The following PI4KA variants were observed in gnomAD, a reference collection of about 807,000 sequenced individuals.
PI4KA encodes the protein PI4-kinase alpha.
In PI4KA, 122 loss-of-function variants were observed where a neutral mutation model predicts 271.4. The observed-to-expected ratio is 0.45, with a 90% CI of 0.39 to 0.52. The LOEUF is 0.52. Among genes scored for constraint, PI4KA ranks in the 20% least tolerant of loss-of-function variants. PI4KA has a pLI of 0.00. For missense variants in PI4KA, 1,969 were observed against 2,769.1 expected, an observed-to-expected ratio of 0.71 and a Z score of 6.48; for synonymous variants, 1,041 against 1,078.8, an observed-to-expected ratio of 0.96 and a Z score of 0.69.
chr22:20,813,947 C>T (rs763712678), intron 7 of PI4KA, among the ~76,000 whole-genome samples: 2 of 152,038 alleles, frequency 1.3e-5, no homozygotes, highest in Non-Finnish European at 2.9e-5. Flanking sequence ...AACAGATGCC[C>T]GTCGCCACAC....
In PI4KA at chr22:20,799,144, G is replaced by T. The variant is rs368298446; in HGVS notation, c.1953C>A (p.Pro651=). The T allele has an allele frequency of 2.2e-5, 36 of 1,613,078 alleles. No individual in the cohort carries two copies. The highest frequency in any genetic ancestry group is 2.9e-5 in the Non-Finnish European group (34 of 1,179,598). ...LQQKFCQPPS[P]LDVLIIDQLG... Reference sequence around the variant, plus strand: ...GCTGGTCAATAATCAGCACATCGAGGGGGGAGGGTGGCTGGCAGAATTTCT... The same window carrying T: ...GCTGGTCAATAATCAGCACATCGAGTGGGGAGGGTGGCTGGCAGAATTTCT... The change falls in exon 16 of 55, where the codon CCC becomes CCA. Residue 651 remains proline, a synonymous_variant. Coordinates refer to ENST00000255882, the MANE Select transcript of PI4KA (RefSeq NM_058004.4).
chr22:20,799,630 GAAC>G (rs1935183767), intron 15 of PI4KA, 38 bp downstream of exon 15: 4 of 1,416,718 alleles, frequency 2.8e-6, no homozygotes, highest in Non-Finnish European at 3.9e-6. Context: ...AGCCTGCTGA[GAAC>G]AATGGGCTGC....
chr22:20,780,190 T>C, intron 19 of PI4KA: 1 of 1,614,244 alleles, frequency 6.2e-7, no homozygotes, highest in Non-Finnish European at 8.5e-7. Context: ...CTCAACTGCA[T>C]CTACTTCAAA....
intron 47 of PI4KA, among the ~76,000 whole-genome samples, chr22:20,714,214 GGAA>G (rs1473991349): frequency 6.6e-6 from 1 of 151,812 alleles, no homozygotes; most frequent in Admixed American, 6.6e-5. Flanking sequence ...CTCAGCCTCA[GGAA>G]GGAGCCTGCT....
At chr22:20,746,449 T>A (rs979522597) in intron 29 of PI4KA, among the ~76,000 whole-genome samples, 2 of 152,174 alleles carry the variant, frequency 1.3e-5, no homozygotes, top group Non-Finnish European at 2.9e-5. Flanking sequence ...ACAAAATATT[T>A]TAGGCAAAAC....
chr22:20,724,305 A>T (rs1467963867), intron 42 of PI4KA, among the ~76,000 whole-genome samples: 1 of 140,942 alleles, frequency 7.1e-6, no homozygotes, highest in Non-Finnish European at 1.6e-5. Flanking sequence ...AACTCTGTCT[A>T]AAAAAAAAAA....
At position 20,783,183 on chromosome 22, in the gene PI4KA, TTATTCCTGGA is replaced by T. The variant is rs1366126323; in HGVS notation, c.2328+10000_2328+10009del. Among the ~76,000 whole-genome samples, 12 of 152,310 alleles carry T rather than the reference TTATTCCTGGA, an allele frequency of 7.9e-5. No homozygotes were observed. The East Asian group carries it at 2.1e-3, about 27-fold the overall frequency. ...TCTTAGAGCTAACATAGACATGGGC[TTATTCCTGGA>T]TACACAGCACTGTCCCCATATCTAC... On this transcript the variant is annotated intron_variant, in intron 19 of 54. Coordinates refer to ENST00000255882, the MANE Select transcript of PI4KA (RefSeq NM_058004.4).
intron 8 of PI4KA, among the ~76,000 whole-genome samples, chr22:20,812,408 C>T (rs186543508): frequency 6.6e-6 from 1 of 152,178 alleles, no homozygotes; most frequent in Admixed American, 6.5e-5. Context: ...TCAGCACATG[C>T]TCCATGCTAT....
At chr22:20,824,528 A>G in intron 3 of PI4KA, 114 bp from the exon 4 acceptor site, 1 of 674,176 alleles carries the variant, frequency 1.5e-6, no homozygotes, top group East Asian at 2.7e-5. Flanking sequence ...GGACCAGTTT[A>G]CAGCAGCTGC....
At chr22:20,755,946 A>G (rs995192484) in intron 23 of PI4KA, among the ~76,000 whole-genome samples, 1 of 152,200 alleles carries the variant, frequency 6.6e-6, no homozygotes, top group Non-Finnish European at 1.5e-5. Context: ...TTGCATGACT[A>G]CATGCTGGGT....
chr22:20,773,337 G>A (rs571485018), intron 19 of PI4KA, among the ~76,000 whole-genome samples: 37 of 152,278 alleles, frequency 2.4e-4, no homozygotes, highest in African/African-American at 8.4e-4. Context: ...AGTGAGCTGA[G>A]ATCGCACCAC....
chr22:20,740,170 AC>A (rs1337084745), intron 32 of PI4KA, among the ~76,000 whole-genome samples: 1 of 151,310 alleles, frequency 6.6e-6, no homozygotes, highest in African/African-American at 2.4e-5. Flanking sequence ...TGTTTTCTAG[AC>A]CTGAGAATTG....
At chr22:20,809,413 G>A (rs919981450) in intron 9 of PI4KA, among the ~76,000 whole-genome samples, 1 of 146,332 alleles carries the variant, frequency 6.8e-6, no homozygotes, top group African/African-American at 2.6e-5. Flanking sequence ...GCAGACTCTA[G>A]GTCAAGATTA....
chr22:20,777,551 G>A (rs1187911508), intron 19 of PI4KA, among the ~76,000 whole-genome samples: 1 of 152,132 alleles, frequency 6.6e-6, no homozygotes, highest in South Asian at 2.1e-4. Context: ...ATGAGGTCTT[G>A]CTATGTTGCC....
In PI4KA at chr22:20,858,642, C is replaced by A; in HGVS notation, c.84G>T (p.Arg28=). The part of the protein sequence containing the change: ...GCSGSGSSAS[R]GFYFNTVLSL... ...ACAGGACCGTGTTGAAATAGAAGCCCCGCGAGGCGCTGGAGCCGGAGCCGG... is the reference window on the plus strand; with the variant it reads ...ACAGGACCGTGTTGAAATAGAAGCCACGCGAGGCGCTGGAGCCGGAGCCGG... The change falls in exon 1 of 55, where the codon CGG becomes CGT. Residue 28 remains arginine (R), a synonymous_variant. Coordinates refer to ENST00000255882, the MANE Select transcript of PI4KA (RefSeq NM_058004.4). 6.7e-7 allele frequency: 1 copy of A among 1,485,952 alleles called. No individual in the cohort carries two copies. Among genetic ancestry groups the A allele is most frequent in the Non-Finnish European group, 8.9e-7 (1 of 1,124,648 alleles). The allele number at this position is 1,485,952 out of a possible 1,614,324, so 92.0% of individuals were successfully genotyped here. A position where few individuals can be genotyped will look rare whatever the true frequency, so the allele number is the denominator to read the frequency against.
chr22:20,718,770 C>T lies in PI4KA; in HGVS notation c.5169G>A (p.Leu1723=). 4 of 1,613,968 alleles carry T rather than the reference C, an allele frequency of 2.5e-6. No individual in the cohort carries two copies. Among genetic ancestry groups the T allele is most frequent in the Non-Finnish European group, 3.4e-6 (4 of 1,179,904 alleles). ...GGTAAAAGTCCTTCGCTGGGCCGGA[C>T]AAGGAGCCTGTGATCTCCTCTACCA... ...DQLVEEITGS[L]SGPAKDFYQR... is the part of the protein sequence containing the mutation. Residue 1723 remains leucine (L), a synonymous_variant, in exon 44 of 55, where the codon TTG becomes TTA. Transcript: ENST00000255882.
intron 22 of PI4KA, 159 bp downstream of exon 22, chr22:20,764,658 G>A (rs1932337755): frequency 4.8e-6 from 3 of 625,582 alleles, no homozygotes; most frequent in Non-Finnish European, 8.0e-6. Flanking sequence ...CATGAAGGAG[G>A]GGCATACGAG....
In PI4KA at chr22:20,834,627, A is replaced by T. The variant is rs1429259050; in HGVS notation, c.302T>A (p.Leu101His). The T allele has an allele frequency of 6.2e-7, 1 of 1,608,918 alleles. No individual in the cohort carries two copies. Among genetic ancestry groups the T allele is most frequent in the Non-Finnish European group, 8.5e-7 (1 of 1,175,322 alleles). Residue 101 changes from leucine to histidine, a missense_variant, in exon 3 of 55, where the codon CTT (leucine) becomes CAT (histidine). Coordinates refer to ENST00000255882, the MANE Select transcript of PI4KA (RefSeq NM_058004.4). The part of the protein sequence containing the change: ...QHKDCVVPYL[L>H]RLLKGLPKVY... ...TTTTGGAAGACCTTTGAGAAGTCGA[A>T]GAAGGTAAGGAACCACACAATCTTT...
At chr22:20,726,186 G>C (rs551713694) in intron 42 of PI4KA, 12 of 319,880 alleles carry the variant, frequency 3.8e-5, no homozygotes, top group Non-Finnish European at 6.3e-5. Flanking sequence ...AGGATTCAGG[G>C]ATTTGAGGGG....
Sources: allele counts gnomAD v4.1 joint callset (sites outside exome capture counted in the v4.1 genomes callset), GRCh38; gene constraint gnomAD v4.1.1; transcripts MANE v1.5; gene names NCBI Gene and HGNC (gene_info 2026-07-23, HGNC 2026-07-21).